RCAN1: variants seen among roughly 807,000 people sequenced by gnomAD.
The protein encoded by RCAN1 is calcipressin-1.
Under a neutral mutation model 22.9 loss-of-function variants are expected in RCAN1, and 11 were observed. The observed-to-expected ratio is 0.48, with a 90% confidence interval of 0.30 to 0.79. The LOEUF is 0.79. Among genes scored for constraint, RCAN1 ranks in the 30% least tolerant of loss-of-function variants. The pLI is 0.06. For synonymous variants in RCAN1, 136 were observed against 142.3 expected, an observed-to-expected ratio of 0.96 and a Z score of 0.32; for missense variants, 291 against 337.8, an observed-to-expected ratio of 0.86 and a Z score of 1.09.
intron 1 of RCAN1, among the ~76,000 whole-genome samples, chr21:34,580,222 C>G (rs552982469): frequency 6.6e-6 from 1 of 152,216 alleles, no homozygotes; most frequent in South Asian, 2.1e-4. Flanking sequence ...TATCTACCCC[C>G]GGGTATGCTA....
intron 1 of RCAN1, among the ~76,000 whole-genome samples, chr21:34,533,016 A>G (rs961775831): frequency 4.0e-5 from 6 of 150,278 alleles, no homozygotes; most frequent in Admixed American, 2.0e-4. Flanking sequence ...GCTGGAGTGC[A>G]GTGGCACTAT....
chr21:34,559,349 A>AT (rs2123661226), intron 1 of RCAN1: 2 of 152,348 alleles, frequency 1.3e-5, no homozygotes, highest in African/African-American at 4.8e-5. Context: ...ATGAGTTCAG[A>AT]TGAGTGCAAC....
At chr21:34,546,199 C>T (rs753411901) in intron 1 of RCAN1, among the ~76,000 whole-genome samples, 4 of 152,092 alleles carry the variant, frequency 2.6e-5, no homozygotes, top group Non-Finnish European at 5.9e-5. Context: ...CGAGAAATCA[C>T]GTCAGGCAAG....
intron 1 of RCAN1, chr21:34,613,789 A>T (rs1288072626): frequency 6.7e-7 from 1 of 1,503,248 alleles, no homozygotes; most frequent in Non-Finnish European, 9.0e-7. Context: ...ACACTTACAT[A>T]CACCATTCTG....
intron 1 of RCAN1, among the ~76,000 whole-genome samples, chr21:34,602,132 C>T (rs983753101): frequency 2.0e-5 from 3 of 152,122 alleles, no homozygotes; most frequent in African/African-American, 7.2e-5. Flanking sequence ...CGATCACAAA[C>T]GTTACCATGC....
chr21:34,597,695 T>C (rs1988207843), intron 1 of RCAN1, among the ~76,000 whole-genome samples: 1 of 152,182 alleles, frequency 6.6e-6, no homozygotes, highest in Non-Finnish European at 1.5e-5. Context: ...ATCTGCTGCC[T>C]CTATAATGTT....
chr21:34,566,076 G>T (rs759556378), intron 1 of RCAN1, among the ~76,000 whole-genome samples: 2 of 152,208 alleles, frequency 1.3e-5, no homozygotes, highest in Non-Finnish European at 2.9e-5. Context: ...CTAAGGGAAA[G>T]GGGCACTATT....
At chr21:34,580,326 C>T (rs1164111691) in intron 1 of RCAN1, among the ~76,000 whole-genome samples, 2 of 152,150 alleles carry the variant, frequency 1.3e-5, no homozygotes, top group Admixed American at 1.3e-4. Context: ...GCAGGGTCAG[C>T]GCAAATGGAA....
intron 1 of RCAN1, among the ~76,000 whole-genome samples, chr21:34,534,308 A>T (rs1985566828): frequency 6.6e-6 from 1 of 151,740 alleles, no homozygotes. Context: ...CTGCCTGTTG[A>T]ACTCTTGTTC....
At chr21:34,610,024 GC>G (rs770666239) in intron 1 of RCAN1, among the ~76,000 whole-genome samples, 6 of 152,182 alleles carry the variant, frequency 3.9e-5, no homozygotes, top group Non-Finnish European at 5.9e-5. Flanking sequence ...GAAACCGCAT[GC>G]CTCACCCTCA....
intron 1 of RCAN1, among the ~76,000 whole-genome samples, chr21:34,538,799 G>A (rs1325196173): frequency 6.6e-6 from 1 of 152,182 alleles, no homozygotes; most frequent in Non-Finnish European, 1.5e-5. Flanking sequence ...TGCCCCAACA[G>A]GGCTGACTGT....
intron 1 of RCAN1, among the ~76,000 whole-genome samples, chr21:34,540,066 CATCCAAGCCCCTTTTCTTTCTCCCTGG>C (rs1402701455): frequency 6.6e-6 from 1 of 152,216 alleles, no homozygotes; most frequent in Non-Finnish European, 1.5e-5. Flanking sequence ...CCCAGAATCA[CATCCAAGCCCCTTTTCTTTCTCCCTGG>C]ATGACCCCTT....
intron 1 of RCAN1, among the ~76,000 whole-genome samples, chr21:34,576,380 C>G (rs1435545042): frequency 6.6e-6 from 1 of 152,204 alleles, no homozygotes; most frequent in Non-Finnish European, 1.5e-5. Context: ...CGGCAGGGAT[C>G]TGGACAGCTT....
At chr21:34,574,831 C>G (rs1341983163) in intron 1 of RCAN1, among the ~76,000 whole-genome samples, 1 of 152,214 alleles carries the variant, frequency 6.6e-6, no homozygotes, top group East Asian at 1.9e-4. Context: ...TCAGAAGGAA[C>G]GTAATCCTCA....
chr21:34,532,991 T>C (rs56061237), intron 1 of RCAN1, among the ~76,000 whole-genome samples: 2,284 of 150,950 alleles, frequency 0.015, 21 homozygotes, highest in Non-Finnish European at 0.024. Flanking sequence ...GACGGAGTCT[T>C]GCTCTGTCGC....
At chr21:34,551,026 G>A (rs151291042) in intron 1 of RCAN1, among the ~76,000 whole-genome samples, 1 of 152,306 alleles carries the variant, frequency 6.6e-6, no homozygotes, top group African/African-American at 2.4e-5. Context: ...TGTTGATAAA[G>A]TCAGACAAGG....
intron 1 of RCAN1, among the ~76,000 whole-genome samples, chr21:34,554,490 G>A (rs1396808378): frequency 3.3e-5 from 5 of 152,188 alleles, no homozygotes; most frequent in Admixed American, 3.3e-4. Context: ...AGCTGGGCCA[G>A]ACTGAACACA....
At chr21:34,555,580 A>AAAAAT (rs1555860833) in intron 1 of RCAN1, among the ~76,000 whole-genome samples, 1 of 150,030 alleles carries the variant, frequency 6.7e-6, no homozygotes, top group African/African-American at 2.5e-5. Context: ...TCAAAAAAAA[A>AAAAAT]AATAAATAAA....
chr21:34,539,518 T>C (rs748616397), intron 1 of RCAN1, among the ~76,000 whole-genome samples: 3 of 152,242 alleles, frequency 2.0e-5, no homozygotes, highest in Non-Finnish European at 4.4e-5. Context: ...ATTTAGATTC[T>C]AGCATGAATT....
Sources: gnomAD v4.1 joint callset for allele counts (sites outside exome capture counted in the v4.1 genomes callset) on GRCh38, gnomAD v4.1.1 for gene constraint, MANE v1.5 for transcripts, NCBI Gene and HGNC (gene_info 2026-07-23, HGNC 2026-07-21) for gene names.